The following TCF7L2 variants were observed in gnomAD, a reference collection of about 807,000 sequenced individuals.
The protein encoded by TCF7L2 is transcription factor 7 like 2.
Under a neutral mutation model 77.9 loss-of-function variants are expected in TCF7L2, and 23 were observed. The ratio of observed to expected loss-of-function variants is 0.30; its 90% CI spans 0.21 to 0.42. The LOEUF (loss-of-function observed/expected upper bound fraction) is 0.42, where lower values mean the gene tolerates loss of function less well. TCF7L2 is among the 10% of genes least tolerant of loss of function. The pLI, the probability that TCF7L2 is intolerant of heterozygous loss-of-function variation, is 1.00. For synonymous variants in TCF7L2, 413 were observed against 340.2 expected (o/e 1.21, Z -2.36); for missense variants, 654 against 793.1 (o/e 0.82, Z 2.11).
intron 12 of TCF7L2, among the ~76,000 whole-genome samples, chr10:113,158,362 G>T (rs1337481592): frequency 1.3e-5 from 2 of 152,126 alleles, no homozygotes; most frequent in African/African-American, 4.8e-5. Context: ...GCCTATGCCG[G>T]GATTTATACA....
chr10:112,974,682 A>G (rs976498736), intron 4 of TCF7L2, among the ~76,000 whole-genome samples: 1 of 151,984 alleles, frequency 6.6e-6, no homozygotes, highest in Non-Finnish European at 1.5e-5. Context: ...TGACCTCATG[A>G]TCCACCCACC....
intron 5 of TCF7L2, among the ~76,000 whole-genome samples, chr10:113,086,258 C>T (rs2059821390): frequency 6.6e-6 from 1 of 152,196 alleles, no homozygotes; most frequent in South Asian, 2.1e-4. Context: ...AGTCTAAATT[C>T]CTCTCTCCTC....
At chr10:113,108,447 G>C (rs901558545) in intron 5 of TCF7L2, among the ~76,000 whole-genome samples, 3 of 152,110 alleles carry the variant, frequency 2.0e-5, no homozygotes, top group Non-Finnish European at 2.9e-5. Context: ...GGCCATTGTG[G>C]GGGGGAGGGG....
At chr10:113,016,570 C>T (rs2047371171) in intron 4 of TCF7L2, among the ~76,000 whole-genome samples, 1 of 151,890 alleles carries the variant, frequency 6.6e-6, no homozygotes, top group Admixed American at 6.6e-5. Context: ...AGGCGGGCAC[C>T]CTGAAGCTCC....
At chr10:113,126,945 C>A in intron 5 of TCF7L2, 1 of 983,510 alleles carries the variant, frequency 1.0e-6, no homozygotes, top group Non-Finnish European at 1.2e-6. Context: ...CTGCATCCCG[C>A]GCGCCTGCCC....
At chr10:113,031,237 A>G (rs140169358) in intron 4 of TCF7L2, among the ~76,000 whole-genome samples, 42 of 152,360 alleles carry the variant, frequency 2.8e-4, no homozygotes, top group Non-Finnish European at 5.6e-4. Flanking sequence ...AGTGACAATC[A>G]ATTTAGAGGT....
intron 5 of TCF7L2, among the ~76,000 whole-genome samples, chr10:113,122,822 T>C (rs1591998442): frequency 6.6e-6 from 1 of 152,300 alleles, no homozygotes; most frequent in East Asian, 1.9e-4. Flanking sequence ...CTGGGCCCGG[T>C]ATCCCTCCTT....
At chr10:113,058,024 C>T (rs767713207) in intron 5 of TCF7L2, among the ~76,000 whole-genome samples, 28 of 152,110 alleles carry the variant, frequency 1.8e-4, no homozygotes, top group African/African-American at 3.1e-4. Context: ...GGACCCTCAT[C>T]GAGCAAATAG....
At chr10:113,032,324 T>C (rs891749849) in intron 4 of TCF7L2, among the ~76,000 whole-genome samples, 10 of 152,226 alleles carry the variant, frequency 6.6e-5, no homozygotes, top group African/African-American at 2.4e-4. Flanking sequence ...TGTTAAAGGA[T>C]TGGCGGGTTA....
At position 113,148,670 on chromosome 10, in the gene TCF7L2, G is replaced by A. The variant is rs138936383; in HGVS notation, c.876-2328G>A. On this transcript the variant is annotated intron_variant, in intron 8 of 13. Transcript: ENST00000627217. ...CTGGCTTGGAGCCATGAAAGCAGAC[G>A]GGGGTATATAATGAGCTGCTTAGAA... Among the ~76,000 whole-genome samples the A allele has an allele frequency of 2.5e-3, 385 of 152,266 alleles. 2 individuals are homozygous for A. Among genetic ancestry groups the A allele is most frequent in the African/African-American group, 6.7e-3 (278 of 41,560 alleles).
intron 5 of TCF7L2, among the ~76,000 whole-genome samples, chr10:113,085,226 A>T (rs899692684): frequency 1.2e-4 from 17 of 139,694 alleles, no homozygotes; most frequent in African/African-American, 3.5e-4. Context: ...ACATCTGGCT[A>T]TTTTTTTTTT....
At chr10:113,131,058 G>A (rs1439632380) in intron 5 of TCF7L2, among the ~76,000 whole-genome samples, 1 of 152,190 alleles carries the variant, frequency 6.6e-6, no homozygotes. Context: ...GAGCCACCGT[G>A]CCCGGCCGGA....
At chr10:112,987,049 C>T (rs1460274934) in intron 4 of TCF7L2, among the ~76,000 whole-genome samples, 1 of 152,158 alleles carries the variant, frequency 6.6e-6, no homozygotes, top group Non-Finnish European at 1.5e-5. Context: ...TCGATCTAGG[C>T]TTTTGTGGGC....
At chr10:113,031,207 T>C (rs1212550876) in intron 4 of TCF7L2, among the ~76,000 whole-genome samples, 2 of 152,238 alleles carry the variant, frequency 1.3e-5, no homozygotes, top group Non-Finnish European at 2.9e-5. Context: ...TTATTGGCTT[T>C]GACCACCTAA....
chr10:113,134,571 G>A (rs2067121539), intron 5 of TCF7L2, among the ~76,000 whole-genome samples: 1 of 152,230 alleles, frequency 6.6e-6, no homozygotes, highest in African/African-American at 2.4e-5. Context: ...ATAAGAAACA[G>A]CCCTTCCTTC....
At chr10:113,126,824 A>AGGCAGCATGCCCGCGAGCC in intron 5 of TCF7L2, 1 of 986,898 alleles carries the variant, frequency 1.0e-6, no homozygotes, top group Non-Finnish European at 1.2e-6. Flanking sequence ...ATCTGGGCGC[A>AGGCAGCATGCCCGCGAGCC]GGCAGCATGC....
chr10:113,054,274 C>G lies in TCF7L2; in HGVS notation c.552+14148C>G, dbSNP rs541437786. On this transcript the variant is annotated intron_variant, in intron 5 of 13. Coordinates refer to ENST00000627217, the MANE Select transcript of TCF7L2 (RefSeq NM_001146274.2). ...ACTTGTGGGTAAATCACAAATCTTTCTGGTAAGTTACAATGGATGGAAGGT... is the reference window on the plus strand; with the variant it reads ...ACTTGTGGGTAAATCACAAATCTTTGTGGTAAGTTACAATGGATGGAAGGT... Among the ~76,000 whole-genome samples, 4 of 152,352 alleles carry G rather than the reference C, an allele frequency of 2.6e-5. No homozygotes were observed. The East Asian group carries it at 7.7e-4, about 29-fold the overall frequency.
intron 13 of TCF7L2, among the ~76,000 whole-genome samples, chr10:113,164,059 T>TA (rs1287529247): frequency 1.3e-5 from 2 of 152,200 alleles, no homozygotes; most frequent in Non-Finnish European, 2.9e-5. Context: ...GTTGGAGTGT[T>TA]ATCAGCCATG....
intron 13 of TCF7L2, 120 bp from the exon 15 acceptor site, chr10:113,165,435 G>A (rs1371198354): frequency 2.7e-6 from 3 of 1,115,078 alleles, no homozygotes; most frequent in Non-Finnish European, 3.9e-6. Context: ...CGGACCACTG[G>A]GCGTGCCACC....
Sources: gnomAD v4.1 joint callset for allele counts (sites outside exome capture counted in the v4.1 genomes callset) on GRCh38, gnomAD v4.1.1 for gene constraint, MANE v1.5 for transcripts, NCBI Gene and HGNC (gene_info 2026-07-23, HGNC 2026-07-21) for gene names.